KLHL29: variants seen among roughly 807,000 people sequenced by gnomAD.
KLHL29 encodes kelch-like protein 29.
Under a neutral mutation model 80.4 loss-of-function variants are expected in KLHL29, and 21 were observed. The ratio of observed to expected loss-of-function variants is 0.26; its 90% confidence interval spans 0.19 to 0.38. The LOEUF is 0.38. Among genes scored for constraint, KLHL29 ranks in the 10% least tolerant of loss-of-function variants. KLHL29 has a pLI of 1.00. For missense variants in KLHL29, 867 were observed against 1,223.9 expected (o/e 0.71, Z 4.35); for synonymous variants, 511 against 526.8 (o/e 0.97, Z 0.41).
At chr2:23,447,867 A>C (rs1289807427) in intron 1 of KLHL29, among the ~76,000 whole-genome samples, 1 of 152,156 alleles carries the variant, frequency 6.6e-6, no homozygotes, top group East Asian at 1.9e-4. Flanking sequence ...ACTGTCCCAG[A>C]ACCTGCTGGG....
At chr2:23,625,304 A>G (rs532875852) in intron 3 of KLHL29, among the ~76,000 whole-genome samples, 1 of 152,246 alleles carries the variant, frequency 6.6e-6, no homozygotes, top group Non-Finnish European at 1.5e-5. Context: ...TCGTGTCTGC[A>G]TATTTAAATG....
intron 3 of KLHL29, among the ~76,000 whole-genome samples, chr2:23,607,153 G>C (rs552940474): frequency 2.6e-5 from 4 of 152,322 alleles, no homozygotes; most frequent in South Asian, 2.1e-4. Context: ...ATTTTGAGAA[G>C]ACACAAATAT....
intron 3 of KLHL29, among the ~76,000 whole-genome samples, chr2:23,575,984 C>T (rs1337608603): frequency 6.6e-6 from 1 of 152,208 alleles, no homozygotes; most frequent in African/African-American, 2.4e-5. Flanking sequence ...AGCTATACTG[C>T]GTCACCATCG....
intron 4 of KLHL29, among the ~76,000 whole-genome samples, chr2:23,641,424 C>T (rs555310417): frequency 6.6e-6 from 1 of 152,292 alleles, no homozygotes; most frequent in Admixed American, 6.5e-5. Context: ...CTGCGAGGAC[C>T]ATGCCCGGCC....
At chr2:23,692,427 G>C (rs968151082) in intron 7 of KLHL29, among the ~76,000 whole-genome samples, 4 of 152,220 alleles carry the variant, frequency 2.6e-5, no homozygotes, top group South Asian at 4.1e-4. Context: ...ATGCTACCCC[G>C]CATGGGCGAC....
chr2:23,683,488 G>T (rs1671148967), intron 5 of KLHL29, among the ~76,000 whole-genome samples: 1 of 152,234 alleles, frequency 6.6e-6, no homozygotes. Context: ...CCAACAGGGT[G>T]ACTGGCAGGC....
chr2:23,690,401 T>C (rs116057535), intron 6 of KLHL29: 7,036 of 152,290 alleles, frequency 0.046, 202 homozygotes, highest in South Asian at 0.092. Flanking sequence ...CCCCCTGCTC[T>C]TTCCGCCCAC....
At chr2:23,437,075 T>A (rs1558337902) in intron 1 of KLHL29, among the ~76,000 whole-genome samples, 1 of 152,208 alleles carries the variant, frequency 6.6e-6, no homozygotes, top group Admixed American at 6.5e-5. Flanking sequence ...TTGCTAGGGT[T>A]TAGCTGGGCC....
intron 2 of KLHL29, among the ~76,000 whole-genome samples, chr2:23,555,666 CAG>C (rs1281159398): frequency 5.3e-5 from 8 of 152,200 alleles, no homozygotes; most frequent in African/African-American, 7.2e-5. Flanking sequence ...GCAGGTGAGT[CAG>C]CAGGTGAGCC....
chr2:23,413,561 C>T (rs1306360024), intron 1 of KLHL29, among the ~76,000 whole-genome samples: 2 of 152,164 alleles, frequency 1.3e-5, no homozygotes, highest in African/African-American at 2.4e-5. Flanking sequence ...TTCCCTCTCC[C>T]AATGCCTCTC....
At chr2:23,493,040 G>T (rs1020701368) in intron 2 of KLHL29, among the ~76,000 whole-genome samples, 2 of 152,198 alleles carry the variant, frequency 1.3e-5, no homozygotes, top group African/African-American at 4.8e-5. Flanking sequence ...ATGGGCAGTT[G>T]GACGAGATGA....
chr2:23,623,224 G>C (rs1417452182), intron 3 of KLHL29, among the ~76,000 whole-genome samples: 3 of 152,194 alleles, frequency 2.0e-5, no homozygotes, highest in African/African-American at 7.2e-5. Context: ...GCAGGTCCCA[G>C]GTTCCAACGG....
intron 1 of KLHL29, among the ~76,000 whole-genome samples, chr2:23,438,255 G>C (rs1371042150): frequency 6.6e-6 from 1 of 151,922 alleles, no homozygotes; most frequent in Non-Finnish European, 1.5e-5. Flanking sequence ...GGCGTCTGCA[G>C]ACAGAGACAA....
intron 1 of KLHL29, among the ~76,000 whole-genome samples, chr2:23,431,621 G>A (rs1011733660): frequency 5.3e-5 from 8 of 152,058 alleles, no homozygotes; most frequent in African/African-American, 1.2e-4. Context: ...GGCCGGGCGC[G>A]GTGGCTCACG....
At chr2:23,631,954 G>T (rs1225647806) in intron 3 of KLHL29, among the ~76,000 whole-genome samples, 1 of 152,118 alleles carries the variant, frequency 6.6e-6, no homozygotes, top group East Asian at 1.9e-4. Flanking sequence ...GACTTTCATT[G>T]ATCCCCAGAG....
At chr2:23,692,566 C>A (rs1671686405) in intron 7 of KLHL29, among the ~76,000 whole-genome samples, 1 of 152,212 alleles carries the variant, frequency 6.6e-6, no homozygotes. Context: ...GGGCACCAAG[C>A]AGTCTCGAGG....
At chr2:23,633,236 C>G (rs1355509165) in intron 3 of KLHL29, among the ~76,000 whole-genome samples, 3 of 152,144 alleles carry the variant, frequency 2.0e-5, no homozygotes, top group Non-Finnish European at 4.4e-5. Flanking sequence ...AAGTTTTCAT[C>G]CAAGGCCACT....
At chr2:23,537,972 G>T (rs1666722649) in intron 2 of KLHL29, among the ~76,000 whole-genome samples, 2 of 152,176 alleles carry the variant, frequency 1.3e-5, no homozygotes, top group Non-Finnish European at 2.9e-5. Flanking sequence ...AGGAGGCTCT[G>T]GTCTGTAAAG....
chr2:23,554,989 C>T (rs973076741), intron 2 of KLHL29, among the ~76,000 whole-genome samples: 1 of 152,138 alleles, frequency 6.6e-6, no homozygotes, highest in African/African-American at 2.4e-5. Flanking sequence ...CCAGGTAGCC[C>T]AAGCCTTTTG....
Sources: gnomAD v4.1 joint callset for allele counts (sites outside exome capture counted in the v4.1 genomes callset) on GRCh38, gnomAD v4.1.1 for gene constraint, MANE v1.5 for transcripts, NCBI Gene and HGNC (gene_info 2026-07-23, HGNC 2026-07-21) for gene names.